Variants in RSU1 observed in about 807,000 individuals in gnomAD.
The protein encoded by RSU1 is Ras suppressor protein 1, also known as rsu-1.
A neutral mutation model predicts 31.1 loss-of-function variants in RSU1; 26 were observed. That is an observed-to-expected ratio of 0.84 (90% CI 0.61 to 1.16). RSU1 has a LOEUF of 1.16. Ranked by LOEUF, RSU1 falls within the 50% of genes most tolerant of loss-of-function variation. RSU1 has a pLI of 0.00. For synonymous variants in RSU1, 164 were observed against 136.3 expected, an observed-to-expected ratio of 1.20 and a Z score of -1.41; for missense variants, 320 against 339.1, an observed-to-expected ratio of 0.94 and a Z score of 0.44.
intron 8 of RSU1, among the ~76,000 whole-genome samples, chr10:16,679,219 G>C (rs192786033): frequency 3.9e-5 from 6 of 152,244 alleles, no homozygotes; most frequent in Admixed American, 2.6e-4. Context: ...TGACCTGTCA[G>C]AAGTTATATA....
chr10:16,602,785 G>C (rs1564282713), intron 8 of RSU1, among the ~76,000 whole-genome samples: 1 of 152,152 alleles, frequency 6.6e-6, no homozygotes, highest in Non-Finnish European at 1.5e-5. Context: ...TGAAAATAAT[G>C]GAGAAAAATA....
chr10:16,817,335 A>C lies in RSU1; in HGVS notation c.-24T>G. 2 of 470,502 alleles carry C rather than the reference A, an allele frequency of 4.3e-6. No homozygotes were observed. The highest frequency in any genetic ancestry group is 2.7e-5 in the South Asian group (1 of 37,186). The allele number at this position is 470,502 out of a possible 1,614,324, so 29.1% of individuals were successfully genotyped here. A position where few individuals can be genotyped will look rare whatever the true frequency, so the allele number is the denominator to read the frequency against. On this transcript the variant is annotated 5_prime_UTR_variant, in exon 1 of 9. Coordinates refer to ENST00000345264, the MANE Select transcript of RSU1 (RefSeq NM_012425.4). ...CTCACCACGGAAGGTAGCCCCTAAG[A>C]CGATGGGCGTGCAACCACAAGCTTC...
chr10:16,620,617 G>A (rs560771059), intron 8 of RSU1, among the ~76,000 whole-genome samples: 127 of 151,488 alleles, frequency 8.4e-4, no homozygotes, highest in African/African-American at 2.9e-3. Context: ...AGGCCGAGGC[G>A]GGCGGATCAT....
chr10:16,636,209 A>C (rs936378940), intron 8 of RSU1, among the ~76,000 whole-genome samples: 3 of 152,114 alleles, frequency 2.0e-5, no homozygotes, highest in Admixed American at 6.6e-5. Context: ...TGCCTACTGA[A>C]TATCTCCACT....
intron 7 of RSU1, among the ~76,000 whole-genome samples, chr10:16,712,191 C>G (rs1161570610): frequency 6.6e-6 from 1 of 151,898 alleles, no homozygotes; most frequent in Non-Finnish European, 1.5e-5. Context: ...TATGTTTTTC[C>G]ATTCCTTCAC....
chr10:16,604,472 C>G (rs1412545043), intron 8 of RSU1, among the ~76,000 whole-genome samples: 1 of 141,466 alleles, frequency 7.1e-6, no homozygotes, highest in South Asian at 2.3e-4. Context: ...AACACAGCAC[C>G]GCCCACCCGG....
chr10:16,628,845 A>T (rs1834201676), intron 8 of RSU1, among the ~76,000 whole-genome samples: 1 of 152,146 alleles, frequency 6.6e-6, no homozygotes, highest in Non-Finnish European at 1.5e-5. Context: ...CCTTCCAGTC[A>T]ATCAATGTAG....
At chr10:16,652,979 T>C (rs970433147) in intron 8 of RSU1, among the ~76,000 whole-genome samples, 2 of 152,048 alleles carry the variant, frequency 1.3e-5, no homozygotes, top group African/African-American at 4.8e-5. Flanking sequence ...ATGCCTGGCC[T>C]AATTAATTTT....
intron 5 of RSU1, among the ~76,000 whole-genome samples, chr10:16,754,076 A>G (rs2131621470): frequency 6.6e-6 from 1 of 152,302 alleles, no homozygotes; most frequent in East Asian, 1.9e-4. Flanking sequence ...GCCCAAGAAA[A>G]TATTTTATAG....
chr10:16,811,742 C>T (rs1564366566), intron 2 of RSU1, among the ~76,000 whole-genome samples: 2 of 152,168 alleles, frequency 1.3e-5, no homozygotes, highest in Non-Finnish European at 2.9e-5. Context: ...AACTGCTTCC[C>T]TCTGGAAACT....
chr10:16,768,745 A>G (rs556701443), intron 3 of RSU1, among the ~76,000 whole-genome samples: 59 of 152,284 alleles, frequency 3.9e-4, no homozygotes, highest in African/African-American at 1.3e-3. Context: ...GTGATTCAAG[A>G]GTTTTGTCCA....
At chr10:16,722,744 AT>A (rs1179453396) in intron 7 of RSU1, among the ~76,000 whole-genome samples, 1 of 152,036 alleles carries the variant, frequency 6.6e-6, no homozygotes, top group Non-Finnish European at 1.5e-5. Context: ...CACTTTTTAT[AT>A]AACTCAAACT....
chr10:16,705,514 G>A (rs1192502662), intron 7 of RSU1, among the ~76,000 whole-genome samples: 5 of 151,850 alleles, frequency 3.3e-5, no homozygotes, highest in Non-Finnish European at 7.4e-5. Flanking sequence ...TTTTGAGACA[G>A]AGTCTCGCTC....
At chr10:16,802,494 G>A (rs561351058) in intron 2 of RSU1, among the ~76,000 whole-genome samples, 44 of 151,962 alleles carry the variant, frequency 2.9e-4, no homozygotes, top group Non-Finnish European at 5.3e-4. Context: ...TCTACCAAAC[G>A]TTTAAGGAAG....
In RSU1 at chr10:16,750,877, T is replaced by C. The variant is rs1393893935; in HGVS notation, c.598+1662A>G. Among the ~76,000 whole-genome samples, 3 of 152,020 alleles carry C rather than the reference T, an allele frequency of 2.0e-5. No individual in the cohort carries two copies. The East Asian group carries it at 5.8e-4, about 30-fold the overall frequency. On this transcript the variant is annotated intron_variant, in intron 7 of 8. Coordinates refer to ENST00000345264, the MANE Select transcript of RSU1 (RefSeq NM_012425.4). ...ACAAGATCTCTCTTTTTTTTTTTTT[T>C]TTCCTTTCAACAAGGTCTTGTTCTG... is the stretch of plus-strand genomic sequence containing the variant.
At chr10:16,750,624 T>C (rs945506005) in intron 7 of RSU1, among the ~76,000 whole-genome samples, 51 of 152,090 alleles carry the variant, frequency 3.4e-4, no homozygotes, top group African/African-American at 1.2e-3. Flanking sequence ...AAAAATGAAA[T>C]AAGATCAAAT....
chr10:16,776,019 C>T (rs1348404984), intron 3 of RSU1, among the ~76,000 whole-genome samples: 1 of 152,094 alleles, frequency 6.6e-6, no homozygotes, highest in African/African-American at 2.4e-5. Flanking sequence ...TCATACAAGC[C>T]ATGCACAAGA....
intron 8 of RSU1, among the ~76,000 whole-genome samples, chr10:16,679,096 AG>A (rs372975920): frequency 1.3e-5 from 2 of 152,378 alleles, no homozygotes; most frequent in African/African-American, 4.8e-5. Context: ...TTAGATAGTG[AG>A]AACACATTTT....
intron 7 of RSU1, among the ~76,000 whole-genome samples, chr10:16,749,877 T>C (rs1836939099): frequency 6.6e-6 from 1 of 152,148 alleles, no homozygotes; most frequent in Admixed American, 6.6e-5. Context: ...GGAAACTGCA[T>C]TTCTAGGAAT....
Sources: gnomAD v4.1 joint callset for allele counts (sites outside exome capture counted in the v4.1 genomes callset) on GRCh38, gnomAD v4.1.1 for gene constraint, MANE v1.5 for transcripts, NCBI Gene and HGNC (gene_info 2026-07-23, HGNC 2026-07-21) for gene names.